DLC1: variants seen among roughly 807,000 people sequenced by gnomAD.
DLC1 encodes the protein DLC1 Rho GTPase activating protein, also known as rho GTPase-activating protein 7.
A neutral mutation model predicts 140.3 loss-of-function variants in DLC1; 54 were observed. The ratio of observed to expected loss-of-function variants is 0.38; its 90% CI spans 0.31 to 0.48. The LOEUF is 0.48. Ranked by LOEUF, DLC1 falls within the 20% of genes least tolerant of loss-of-function variation. The probability of loss-of-function intolerance (pLI) is 0.96; values close to 1 mark genes in which losing one functional copy is unlikely to be tolerated. For missense variants in DLC1, 2,536 were observed against 1,907.0 expected (o/e 1.33, Z -6.14); for synonymous variants, 986 against 728.1 (o/e 1.35, Z -5.70).
intron 1 of DLC1, among the ~76,000 whole-genome samples, chr8:13,577,238 A>T (rs184069188): frequency 1.3e-5 from 2 of 152,270 alleles, no homozygotes; most frequent in African/African-American, 4.8e-5. Flanking sequence ...ATCAATTTGT[A>T]TTAAGTATTT....
At chr8:13,153,459 A>C (rs551462502) in intron 5 of DLC1, among the ~76,000 whole-genome samples, 52 of 152,306 alleles carry the variant, frequency 3.4e-4, no homozygotes, top group African/African-American at 1.2e-3. Flanking sequence ...TTAATGCAGA[A>C]ACTTAAAAAC....
chr8:13,128,081 C>G (rs577151306), intron 5 of DLC1, among the ~76,000 whole-genome samples: 2 of 151,708 alleles, frequency 1.3e-5, no homozygotes, highest in African/African-American at 4.8e-5. Flanking sequence ...CAAAAAACCC[C>G]AAGGCTGATG....
At position 13,364,293 on chromosome 8, in the gene DLC1, A is replaced by T. The variant is rs1181074776; in HGVS notation, c.1314+29260T>A. Among the ~76,000 whole-genome samples the T allele has an allele frequency of 2.2e-5, 3 of 137,070 alleles. No homozygotes were observed. The South Asian group carries it at 7.1e-4, about 32-fold the overall frequency. The allele number at this position is 137,070 out of a possible 152,430, so 89.9% of individuals were successfully genotyped here. A position where few individuals can be genotyped will look rare whatever the true frequency, so the allele number is the denominator to read the frequency against. ...TTTTTAAGTTTCCAGTTCTCTGGGT[A>T]ATGAAACTTTTTTTTTTTTTTTTTA... is the stretch of plus-strand genomic sequence containing the variant. On this transcript the variant is annotated intron_variant, in intron 4 of 17. Transcript: ENST00000276297.
At chr8:13,513,361 T>C (rs1802461655) in intron 1 of DLC1, among the ~76,000 whole-genome samples, 1 of 152,172 alleles carries the variant, frequency 6.6e-6, no homozygotes, top group Admixed American at 6.5e-5. Context: ...TTTAAGAAGT[T>C]TTAACACAAA....
intron 3 of DLC1, among the ~76,000 whole-genome samples, chr8:13,397,170 C>G (rs528632983): frequency 1.3e-5 from 2 of 152,158 alleles, no homozygotes; most frequent in East Asian, 3.9e-4. Flanking sequence ...ATTGGTTGTT[C>G]TGATCTGGAG....
intron 4 of DLC1, among the ~76,000 whole-genome samples, chr8:13,354,969 GA>G (rs1834856507): frequency 7.2e-6 from 1 of 138,066 alleles, no homozygotes; most frequent in Non-Finnish European, 1.6e-5. Context: ...AAAAAAAAAA[GA>G]AAAAGGAAGA....
At chr8:13,347,851 A>G (rs1321475429) in intron 4 of DLC1, among the ~76,000 whole-genome samples, 1 of 152,164 alleles carries the variant, frequency 6.6e-6, no homozygotes, top group Non-Finnish European at 1.5e-5. Flanking sequence ...TGGCTTTGTG[A>G]GTCCAAGGCA....
rs775702088 is a variant in DLC1, at chr8:13,387,687, T to C, written c.1314+5866A>G. Among the ~76,000 whole-genome samples the C allele has an allele frequency of 4.3e-4, 65 of 152,208 alleles. 1 individual carries two copies. The Middle Eastern group carries it at 0.024, about 56-fold the overall frequency. On this transcript the variant is annotated intron_variant, in intron 4 of 17. Transcript: ENST00000276297. ...TTATTTTTGCTTATATGTGGTATAG[T>C]TGGAACAAATGCAAATGACATTTTA...
At chr8:13,418,157 T>C (rs997375748) in intron 2 of DLC1, among the ~76,000 whole-genome samples, 2 of 152,214 alleles carry the variant, frequency 1.3e-5, no homozygotes, top group African/African-American at 2.4e-5. Context: ...TCTCCCATTT[T>C]GTAAGTTGCC....
At chr8:13,308,563 G>T (rs1338655500) in intron 4 of DLC1, among the ~76,000 whole-genome samples, 3 of 152,078 alleles carry the variant, frequency 2.0e-5, no homozygotes, top group Admixed American at 1.3e-4. Flanking sequence ...GCTGACACTT[G>T]CTCTACCGTT....
intron 1 of DLC1, chr8:13,558,059 T>C (rs1430122876): frequency 1.3e-5 from 2 of 152,206 alleles, no homozygotes; most frequent in Non-Finnish European, 2.9e-5. Flanking sequence ...CAGTGGTGGT[T>C]AAAACTGGCC....
chr8:13,090,771 T>C (rs981023260), intron 14 of DLC1, among the ~76,000 whole-genome samples: 1 of 151,910 alleles, frequency 6.6e-6, no homozygotes, highest in Non-Finnish European at 1.5e-5. Flanking sequence ...TACAGCAGTT[T>C]AATTCCAGAT....
intron 2 of DLC1, among the ~76,000 whole-genome samples, chr8:13,445,667 A>G (rs73665115): frequency 0.012 from 1,853 of 152,318 alleles, 17 homozygotes; most frequent in Middle Eastern, 0.024. Flanking sequence ...ACTGAACTTT[A>G]TTATAGGGAG....
intron 4 of DLC1, among the ~76,000 whole-genome samples, chr8:13,372,433 A>G (rs1006367071): frequency 6.6e-6 from 1 of 152,212 alleles, no homozygotes; most frequent in Non-Finnish European, 1.5e-5. Flanking sequence ...TGGTCAGTTC[A>G]CTAGCACTCC....
At chr8:13,214,054 G>C (rs566101968) in intron 5 of DLC1, among the ~76,000 whole-genome samples, 2 of 152,148 alleles carry the variant, frequency 1.3e-5, no homozygotes, top group African/African-American at 4.8e-5. Context: ...AAAGTGTTGG[G>C]TTTACAGGTG....
chr8:13,196,231 C>A (rs1272805764), intron 5 of DLC1, among the ~76,000 whole-genome samples: 36 of 151,874 alleles, frequency 2.4e-4, no homozygotes, highest in Non-Finnish European at 8.8e-5. Flanking sequence ...ACTTTATCCA[C>A]AATAATTTAT....
intron 1 of DLC1, among the ~76,000 whole-genome samples, chr8:13,582,266 T>G (rs944650862): frequency 2.0e-5 from 3 of 152,158 alleles, no homozygotes; most frequent in African/African-American, 4.8e-5. Flanking sequence ...ATACACTCTC[T>G]TCAAGAAAAC....
chr8:13,549,925 AG>A (rs1446172314), intron 1 of DLC1, among the ~76,000 whole-genome samples: 2 of 152,136 alleles, frequency 1.3e-5, no homozygotes, highest in Non-Finnish European at 2.9e-5. Context: ...ACACGTGAAT[AG>A]GCAGAAACAG....
chr8:13,162,961 A>G (rs1048259097), intron 5 of DLC1, among the ~76,000 whole-genome samples: 4 of 152,130 alleles, frequency 2.6e-5, no homozygotes. Flanking sequence ...ATTCTTACAT[A>G]CTTATCAAAT....
Sources: gnomAD v4.1 joint callset for allele counts (sites outside exome capture counted in the v4.1 genomes callset) on GRCh38, gnomAD v4.1.1 for gene constraint, MANE v1.5 for transcripts, NCBI Gene and HGNC (gene_info 2026-07-23, HGNC 2026-07-21) for gene names.